Variants in ZDHHC11 observed in about 807,000 individuals in gnomAD.
The protein encoded by ZDHHC11 is palmitoyltransferase ZDHHC11.
In ZDHHC11, 44 loss-of-function variants were observed where a neutral mutation model predicts 51.3. The observed-to-expected ratio is 0.86, with a 90% CI of 0.67 to 1.10. The LOEUF is 1.10. Ranked by LOEUF, ZDHHC11 falls within the 50% of genes least tolerant of loss-of-function variation. The probability of loss-of-function intolerance (pLI) is 0.00; values close to 1 mark genes in which losing one functional copy is unlikely to be tolerated. For missense variants in ZDHHC11, 400 were observed against 537.7 expected, an observed-to-expected ratio of 0.74 and a Z score of 2.53; for synonymous variants, 163 against 222.0, an observed-to-expected ratio of 0.73 and a Z score of 2.36.
In ZDHHC11 at chr5:840,506, T is replaced by G. The variant is rs753460909; in HGVS notation, c.773A>C (p.His258Pro). ...GGTGGGGGACATACTCAGGTAGATG[T>G]GGAAGATGAGCAGCTGGCCCAGGTG... ...LVHLGQLLIF[H>P]IYLKAKKMTT... Residue 258 changes from histidine (H) to proline (P), a missense_variant, in exon 5 of 13, where the codon CAC becomes CCC. Transcript: ENST00000283441. The G allele has an allele frequency of 6.2e-7, 1 of 1,613,502 alleles. No homozygotes were observed. Among genetic ancestry groups the G allele is most frequent in the Non-Finnish European group, 8.5e-7 (1 of 1,179,870 alleles).
chr5:812,774 A>G (rs1740262963), intron 11 of ZDHHC11, among the ~76,000 whole-genome samples: 1 of 151,424 alleles, frequency 6.6e-6, no homozygotes, highest in African/African-American at 2.4e-5. Flanking sequence ...AAACTTGGTC[A>G]TAAACTTAAT....
chr5:825,317 G>A (rs1742189707), intron 7 of ZDHHC11, 66 bp from the exon 8 acceptor site: 1 of 1,522,840 alleles, frequency 6.6e-7, no homozygotes, highest in Admixed American at 1.7e-5. Flanking sequence ...GGTGGCACTG[G>A]AGGCTGCACC....
chr5:856,929 A>G (rs868411460), intron 1 of ZDHHC11, among the ~76,000 whole-genome samples: 2 of 150,834 alleles, frequency 1.3e-5, no homozygotes, highest in Non-Finnish European at 3.0e-5. Context: ...ACCAAACCAC[A>G]CACCACCGAG....
At chr5:810,863 G>T (rs1276011639) in intron 11 of ZDHHC11, among the ~76,000 whole-genome samples, 1 of 152,174 alleles carries the variant, frequency 6.6e-6, no homozygotes, top group East Asian at 1.9e-4. Context: ...AGAGGAATAT[G>T]ATTTAAAGAT....
At chr5:813,561 GAAT>G (rs1294439330) in intron 11 of ZDHHC11, among the ~76,000 whole-genome samples, 93 of 146,880 alleles carry the variant, frequency 6.3e-4, no homozygotes, top group African/African-American at 2.3e-3. Flanking sequence ...CACCCTCCCT[GAAT>G]AATGTCGGCC....
intron 12 of ZDHHC11, 136 bp downstream of exon 12, chr5:800,964 G>C (rs1294592395): frequency 2.0e-6 from 2 of 983,606 alleles, no homozygotes; most frequent in South Asian, 1.5e-5. Flanking sequence ...TGGGGTTACT[G>C]TTGACATCAA....
At chr5:841,200 C>T (rs1462396305) in intron 4 of ZDHHC11, 99 of 1,050,132 alleles carry the variant, frequency 9.4e-5, no homozygotes, top group Non-Finnish European at 1.0e-4. Context: ...CCACCCCTTC[C>T]TAAGTGCTGG....
At chr5:834,606 G>T (rs1352549415) in intron 6 of ZDHHC11, among the ~76,000 whole-genome samples, 1 of 152,384 alleles carries the variant, frequency 6.6e-6, no homozygotes, top group African/African-American at 2.4e-5. Context: ...AAAATATTTT[G>T]TTTGCCTGTG....
intron 11 of ZDHHC11, among the ~76,000 whole-genome samples, chr5:808,078 A>C (rs901506618): frequency 3.3e-5 from 5 of 150,356 alleles, no homozygotes; most frequent in African/African-American, 1.2e-4. Flanking sequence ...CGTGGTCAGA[A>C]TGGGGCTCTC....
chr5:801,374 T>C (rs1356827083), intron 11 of ZDHHC11, among the ~76,000 whole-genome samples: 5 of 151,982 alleles, frequency 3.3e-5, no homozygotes, highest in Non-Finnish European at 7.4e-5. Flanking sequence ...TGCTTTTTTC[T>C]TCTGCATGTG....
rs1346560394 is a variant in ZDHHC11, at chr5:850,440, C to G, written c.163G>C (p.Ala55Pro). Reference sequence around the variant, plus strand: ...AAGGGAATGAAGATCCCGAAGGTGGCCGAGGAAAGGCCCACGAAGACAGCC... The same window carrying G: ...AAGGGAATGAAGATCCCGAAGGTGGGCGAGGAAAGGCCCACGAAGACAGCC... ...TWAVFVGLSS[A>P]TFGIFIPFLP... Residue 55 changes from alanine to proline, a missense_variant, in exon 1 of 13, where the codon GCC (alanine) becomes CCC (proline). Around this residue, in one of 5 missense-constraint regions of ZDHHC11, gnomAD observed 119 missense variants for 99.6 expected, o/e 1.20. Transcript: ENST00000283441. 6.2e-7 allele frequency: 1 copy of G among 1,613,508 alleles called. No homozygotes were observed. The highest frequency in any genetic ancestry group is 8.5e-7 in the Non-Finnish European group (1 of 1,180,014).
upstream of ZDHHC11, among the ~76,000 whole-genome samples, chr5:854,837 C>G (rs2150506033): frequency 7.4e-6 from 1 of 135,804 alleles, no homozygotes; most frequent in East Asian, 2.3e-4. Flanking sequence ...CCGGGGGGCA[C>G]AGACCACACA....
At chr5:860,383 T>C (rs546604201), upstream of ZDHHC11, among the ~76,000 whole-genome samples, 1 of 152,258 alleles carries the variant, frequency 6.6e-6, no homozygotes, top group East Asian at 1.9e-4. The surrounding 1 kb of genome is among the most constrained non-coding windows in gnomAD (Gnocchi z 4.2). Flanking sequence ...ACAACTGGCT[T>C]TTATTCACCA....
Position 843,948 on chromosome 5 carries a change from A to G in ZDHHC11, c.504-224T>C, listed in dbSNP as rs1401165514. Among the ~76,000 whole-genome samples the G allele has an allele frequency of 6.1e-3, 455 of 74,962 alleles. 4 individuals are homozygous for G. Among genetic ancestry groups the G allele is most frequent in the African/African-American group, 0.026 (150 of 5,734 alleles). 49.2% of individuals were successfully genotyped at this position (74,962 alleles called of 152,430 possible). ...ATCTGAGGCAGGGGCGGGGGCATGC[A>G]GGGCAGGTGGGGGGTGCAGAGGCAG... On this transcript the variant is annotated intron_variant, in intron 3 of 12. Transcript: ENST00000283441.
intron 1 of ZDHHC11, among the ~76,000 whole-genome samples, chr5:857,533 T>C (rs1279780038): frequency 2.1e-5 from 3 of 140,780 alleles, no homozygotes; most frequent in South Asian, 2.4e-4. Flanking sequence ...ACCAGGCCCC[T>C]AGAGTCTGTC....
At chr5:816,252 T>C in intron 10 of ZDHHC11, 1 of 243,296 alleles carries the variant, frequency 4.1e-6, no homozygotes, top group South Asian at 5.1e-5. Context: ...TTCTTCTTTT[T>C]TCGGAAATAA....
At chr5:808,208 C>G (rs1362116181) in intron 11 of ZDHHC11, among the ~76,000 whole-genome samples, 7 of 151,010 alleles carry the variant, frequency 4.6e-5, no homozygotes, top group Admixed American at 1.3e-4. Context: ...AGTTGCGCAG[C>G]CTCCCCCTCG....
At chr5:810,256 C>T (rs1280045807) in intron 11 of ZDHHC11, among the ~76,000 whole-genome samples, 2 of 127,380 alleles carry the variant, frequency 1.6e-5, no homozygotes, top group Non-Finnish European at 3.4e-5. Context: ...ACAGCTCCAA[C>T]CTCCAGTGGA....
intron 4 of ZDHHC11, among the ~76,000 whole-genome samples, chr5:843,190 C>A (rs375719418): frequency 6.6e-6 from 1 of 152,288 alleles, no homozygotes; most frequent in Non-Finnish European, 1.5e-5. Flanking sequence ...AGCCCAGCAC[C>A]CTCAGCGCTG....
Sources: gnomAD v4.1 joint callset for allele counts (sites outside exome capture counted in the v4.1 genomes callset) on GRCh38, gnomAD v4.1.1 for gene constraint, gnomAD v4.1.1 regional missense constraint, Gnocchi (gnomAD v3.1) non-coding constraint, MANE v1.5 for transcripts, NCBI Gene and HGNC (gene_info 2026-07-23, HGNC 2026-07-21) for gene names.